SGIP1: variants seen among roughly 807,000 people sequenced by gnomAD.
SGIP1 encodes the protein SH3GL interacting endocytic adaptor 1.
SGIP1 carries 38 observed loss-of-function variants against 107.5 expected under a neutral mutation model. That is an observed-to-expected ratio of 0.35 (90% CI 0.27 to 0.46). The LOEUF is 0.46. SGIP1 is among the 20% of genes least tolerant of loss of function. SGIP1 has a pLI of 1.00. For missense variants in SGIP1, 929 were observed against 1,019.5 expected, an observed-to-expected ratio of 0.91 and a Z score of 1.21; for synonymous variants, 365 against 366.1, an observed-to-expected ratio of 1.00 and a Z score of 0.03.
chr1:66,709,407 G>T (rs1478706205), intron 18 of SGIP1, among the ~76,000 whole-genome samples: 1 of 152,092 alleles, frequency 6.6e-6, no homozygotes, highest in Non-Finnish European at 1.5e-5. Context: ...AGTGAATCTA[G>T]ATTTGAATTC....
At position 66,694,890 on chromosome 1, in the gene SGIP1, T is replaced by A. The variant is rs138225285; in HGVS notation, c.1571-544T>A. ...TCTTTGATACATAGGTAAAGGGTGTTTTGTGTCTGGATGCCTAAGGTGATT... is the reference window on the plus strand; with the variant it reads ...TCTTTGATACATAGGTAAAGGGTGTATTGTGTCTGGATGCCTAAGGTGATT... On this transcript the variant is annotated intron_variant, in intron 17 of 24. Coordinates refer to ENST00000371037, the MANE Select transcript of SGIP1 (RefSeq NM_032291.4). The A allele has an allele frequency of 2.3e-3, 525 of 224,286 alleles. 1 individual carries two copies. Among genetic ancestry groups the A allele is most frequent in the African/African-American group, 0.011 (508 of 44,286 alleles). 13.9% of individuals were successfully genotyped at this position (224,286 alleles called of 1,614,324 possible).
chr1:66,534,906 T>G (rs936907904), intron 1 of SGIP1, among the ~76,000 whole-genome samples: 1 of 152,160 alleles, frequency 6.6e-6, no homozygotes, highest in Admixed American at 6.5e-5. Context: ...CCATAAACTG[T>G]AGTTGTATGA....
At chr1:66,592,128 A>T (rs888313595) in intron 1 of SGIP1, among the ~76,000 whole-genome samples, 3 of 151,904 alleles carry the variant, frequency 2.0e-5, no homozygotes, top group African/African-American at 7.3e-5. Flanking sequence ...CTCAGCACAG[A>T]CCCTTTACCG....
At position 66,635,934 on chromosome 1, in the gene SGIP1, T is replaced by A. The variant is rs754770534; in HGVS notation, c.100-10T>A. 2.5e-6 allele frequency: 4 copies of A among 1,613,358 alleles called. No individual in the cohort carries two copies. The highest frequency in any genetic ancestry group is 3.4e-6 in the Non-Finnish European group (4 of 1,179,694). ...ACCACTTTTTTCTACATGAAAACAA[T>A]CAATTCCAGCAGCCCAGCCCACACG... On this transcript the variant is annotated splice_polypyrimidine_tract_variant and intron_variant, in intron 3 of 24. Coordinates refer to ENST00000371037, the MANE Select transcript of SGIP1 (RefSeq NM_032291.4).
intron 8 of SGIP1, 145 bp downstream of exon 8, chr1:66,660,669 G>A (rs1207155623): frequency 2.5e-6 from 2 of 805,778 alleles, no homozygotes; most frequent in African/African-American, 3.4e-5. Flanking sequence ...CCATGACCAG[G>A]TCTCATTATG....
chr1:66,742,249 A>G (rs911389315), intron 24 of SGIP1, among the ~76,000 whole-genome samples: 3 of 152,108 alleles, frequency 2.0e-5, no homozygotes, highest in Non-Finnish European at 4.4e-5. Context: ...GCCATGAGAC[A>G]GGTTTTATTT....
rs777126444 is a variant in SGIP1 at position 66,719,426 on chromosome 1, A to G, written c.1742+21A>G. ...AGCAAGTAAGCCTGATACTTGGTCC[A>G]TTGTACTTTCTGAGTTCTGTCCTAT... On this transcript the variant is annotated intron_variant, in intron 19 of 24. Transcript: ENST00000371037. 5 of 1,585,458 alleles carry G rather than the reference A, an allele frequency of 3.2e-6. No individual in the cohort carries two copies. In the Admixed American group the frequency reaches 8.4e-5, roughly 27 times the overall value.
chr1:66,727,391 T>C (rs940570663), intron 19 of SGIP1, among the ~76,000 whole-genome samples: 26 of 152,186 alleles, frequency 1.7e-4, no homozygotes, highest in African/African-American at 5.8e-4. Context: ...ATTAAAATGA[T>C]CAGTTCTACC....
intron 7 of SGIP1, among the ~76,000 whole-genome samples, chr1:66,648,320 T>C (rs144909544): frequency 1.6e-4 from 25 of 152,256 alleles, no homozygotes; most frequent in African/African-American, 6.0e-4. Flanking sequence ...CATTTTGGTG[T>C]CCATCCCAAA....
At chr1:66,708,388 T>C (rs1432216706) in intron 18 of SGIP1, among the ~76,000 whole-genome samples, 6 of 152,154 alleles carry the variant, frequency 3.9e-5, no homozygotes, top group Non-Finnish European at 7.4e-5. Context: ...CTCACCACTG[T>C]CTATGTGAAA....
At chr1:66,625,163 C>T (rs1230069652) in intron 1 of SGIP1, among the ~76,000 whole-genome samples, 2 of 152,106 alleles carry the variant, frequency 1.3e-5, no homozygotes, top group Non-Finnish European at 2.9e-5. Flanking sequence ...CAGTGTCTTA[C>T]GCCTCTAGGA....
rs181930607 is a variant in SGIP1 at position 66,625,234 on chromosome 1, C to T, written c.11-613C>T. 1.4e-3 allele frequency among the ~76,000 whole-genome samples: 210 copies of T among 152,244 alleles called. 1 individual carries two copies. Among genetic ancestry groups the T allele is most frequent in the African/African-American group, 5.0e-3 (207 of 41,548 alleles). The stretch of plus-strand genomic sequence containing the variant: ...GGGCCTTAAAGGATGAATTGAAATT[C>T]TAAACGTCCACAAAATAGAAAAAGC... On this transcript the variant is annotated intron_variant, in intron 1 of 24. Transcript: ENST00000371037.
intron 1 of SGIP1, chr1:66,616,048 C>T (rs1389255179): frequency 6.6e-6 from 1 of 152,206 alleles, no homozygotes; most frequent in Non-Finnish European, 1.5e-5. Context: ...AAGTTTGTAA[C>T]AGACCTGCAC....
chr1:66,606,873 T>G (rs1453425220), intron 1 of SGIP1, among the ~76,000 whole-genome samples: 1 of 152,348 alleles, frequency 6.6e-6, no homozygotes, highest in East Asian at 1.9e-4. Context: ...TTAGTAGATA[T>G]GTTCTTGCCT....
chr1:66,690,324 T>G lies in SGIP1; in HGVS notation c.1570+8T>G. 1 of 1,613,970 alleles carries G rather than the reference T, an allele frequency of 6.2e-7. No homozygotes were observed. The highest frequency in any genetic ancestry group is 1.3e-5 in the African/African-American group (1 of 75,038). On this transcript the variant is annotated splice_region_variant and intron_variant, in intron 17 of 24. Coordinates refer to ENST00000371037, the MANE Select transcript of SGIP1 (RefSeq NM_032291.4). ...CCACCACTCCCACAGTTGGTAAAAA[T>G]TCTCTCCTCTCTTTTAATCCGTTTG...
intron 1 of SGIP1, among the ~76,000 whole-genome samples, chr1:66,545,942 C>T (rs1186437947): frequency 6.6e-6 from 1 of 152,154 alleles, no homozygotes; most frequent in Non-Finnish European, 1.5e-5. Context: ...ATTTTACTCA[C>T]TTTAGGATTC....
At chr1:66,559,039 G>T (rs72670240) in intron 1 of SGIP1, among the ~76,000 whole-genome samples, 76 of 152,152 alleles carry the variant, frequency 5.0e-4, no homozygotes, top group Middle Eastern at 3.4e-3. Context: ...AAGCAAACTT[G>T]AAAGCTCCTC....
At chr1:66,636,661 G>C (rs1448144187) in intron 4 of SGIP1, among the ~76,000 whole-genome samples, 1 of 152,174 alleles carries the variant, frequency 6.6e-6, no homozygotes, top group Non-Finnish European at 1.5e-5. Flanking sequence ...TTTCTATTGG[G>C]CCGTGCTGTT....
At chr1:66,712,329 A>G (rs140705462) in intron 18 of SGIP1, among the ~76,000 whole-genome samples, 3 of 152,296 alleles carry the variant, frequency 2.0e-5, no homozygotes, top group African/African-American at 7.2e-5. Flanking sequence ...GCTGGCTTTG[A>G]TGACAGAAAG....
Sources: gnomAD v4.1 joint callset for allele counts (sites outside exome capture counted in the v4.1 genomes callset) on GRCh38, gnomAD v4.1.1 for gene constraint, MANE v1.5 for transcripts, NCBI Gene and HGNC (gene_info 2026-07-23, HGNC 2026-07-21) for gene names.